Variants in GABBR2 observed in about 807,000 individuals in gnomAD.
GABBR2 encodes the protein gamma-aminobutyric acid type B receptor subunit 2.
Under a neutral mutation model 105.6 loss-of-function variants are expected in GABBR2, and 23 were observed. That is an observed-to-expected ratio of 0.22 (90% CI 0.16 to 0.31). The LOEUF is 0.31. Ranked by LOEUF, GABBR2 falls within the 10% of genes least tolerant of loss-of-function variation. GABBR2 has a pLI of 1.00. For missense variants in GABBR2, 734 were observed against 1,245.5 expected (o/e 0.59, Z 6.18); for synonymous variants, 478 against 499.7 (o/e 0.96, Z 0.58).
chr9:98,511,714 T>C (rs557088089), intron 3 of GABBR2, among the ~76,000 whole-genome samples: 95 of 151,988 alleles, frequency 6.3e-4, no homozygotes, highest in Non-Finnish European at 1.2e-3. Flanking sequence ...CAGGAAGAAA[T>C]TGAATCTCTG....
intron 7 of GABBR2, among the ~76,000 whole-genome samples, chr9:98,412,442 TG>T (rs1184827255): frequency 6.6e-6 from 1 of 152,228 alleles, no homozygotes; most frequent in Non-Finnish European, 1.5e-5. Flanking sequence ...TGACTTGTGC[TG>T]TGAGAAATAA....
At chr9:98,613,627 C>T (rs984589079) in intron 1 of GABBR2, among the ~76,000 whole-genome samples, 10 of 152,196 alleles carry the variant, frequency 6.6e-5, no homozygotes, top group African/African-American at 1.9e-4. Context: ...CAGCAGACAT[C>T]TCTTCAGTAA....
intron 7 of GABBR2, among the ~76,000 whole-genome samples, chr9:98,440,513 C>T (rs751907806): frequency 1.8e-4 from 27 of 152,092 alleles, no homozygotes; most frequent in Non-Finnish European, 3.8e-4. Flanking sequence ...CCCCCACTTC[C>T]CCCCTTCTAC....
rs758345055 is a variant in GABBR2 at position 98,290,643 on chromosome 9, C to T, written c.2767G>A (p.Ala923Thr). The T allele has an allele frequency of 2.6e-5, 38 of 1,447,654 alleles. No individual in the cohort carries two copies. Among genetic ancestry groups the T allele is most frequent in the African/African-American group, 8.9e-5 (6 of 67,216 alleles). 89.7% of individuals were successfully genotyped at this position (1,447,654 alleles called of 1,614,324 possible). The change falls in exon 19 of 19, where the codon GCC becomes ACC. Residue 923 changes from alanine to threonine, a missense_variant. Coordinates refer to ENST00000259455, the MANE Select transcript of GABBR2 (RefSeq NM_005458.8). Reference sequence around the variant, plus strand: ...GGCACATGTCTGTGGCGGGGGCTGGCGGTGGGGCTGACGCAGGGGCTGACA... The same window carrying T: ...GGCACATGTCTGTGGCGGGGGCTGGTGGTGGGGCTGACGCAGGGGCTGACA... ...SCVSPCVSPTASPRHRHVPPS... is the reference protein window; with the variant it reads ...SCVSPCVSPTTSPRHRHVPPS...
chr9:98,347,358 G>A (rs1024709543), intron 13 of GABBR2, among the ~76,000 whole-genome samples: 1 of 152,058 alleles, frequency 6.6e-6, no homozygotes, highest in African/African-American at 2.4e-5. Context: ...TCATGTATTT[G>A]TTGGCTATTT....
intron 2 of GABBR2, among the ~76,000 whole-genome samples, chr9:98,558,097 A>T (rs1018920257): frequency 6.6e-6 from 1 of 152,232 alleles, no homozygotes; most frequent in African/African-American, 2.4e-5. Flanking sequence ...TCAAGAAGAG[A>T]GGGTAGCTAT....
At chr9:98,637,462 G>A (rs370391690) in intron 1 of GABBR2, among the ~76,000 whole-genome samples, 2 of 152,138 alleles carry the variant, frequency 1.3e-5, no homozygotes, top group Non-Finnish European at 2.9e-5. Flanking sequence ...ACTTGCATGA[G>A]GTTAGATGGC....
intron 8 of GABBR2, among the ~76,000 whole-genome samples, chr9:98,404,351 C>T (rs999177787): frequency 1.3e-5 from 2 of 152,132 alleles, no homozygotes; most frequent in African/African-American, 4.8e-5. Context: ...AATTACCTGC[C>T]ACAGAAAGAC....
chr9:98,527,320 G>A (rs138040433), intron 3 of GABBR2, among the ~76,000 whole-genome samples: 14 of 151,922 alleles, frequency 9.2e-5, no homozygotes, highest in Non-Finnish European at 5.9e-5. Context: ...GAACTCAGAC[G>A]GTCATTCTGC....
intron 5 of GABBR2, among the ~76,000 whole-genome samples, chr9:98,480,311 T>G (rs1306464445): frequency 6.8e-6 from 1 of 147,922 alleles, no homozygotes; most frequent in East Asian, 2.0e-4. Context: ...GGAGAAAACC[T>G]TTTTTTTTTA....
intron 6 of GABBR2, among the ~76,000 whole-genome samples, chr9:98,460,222 A>G (rs1020882608): frequency 6.6e-6 from 1 of 152,152 alleles, no homozygotes; most frequent in Non-Finnish European, 1.5e-5. Context: ...CCTGGCCAAC[A>G]TGGGAAAAAA....
At chr9:98,437,809 C>A (rs897434929) in intron 7 of GABBR2, among the ~76,000 whole-genome samples, 1 of 151,680 alleles carries the variant, frequency 6.6e-6, no homozygotes, top group African/African-American at 2.4e-5. Flanking sequence ...CCTACCCACA[C>A]GTCCATCCAT....
At chr9:98,322,645 C>G (rs576581009) in intron 13 of GABBR2, among the ~76,000 whole-genome samples, 1 of 150,744 alleles carries the variant, frequency 6.6e-6, no homozygotes, top group African/African-American at 2.4e-5. Context: ...ATCCCCCAGT[C>G]TCAGCCATGA....
intron 6 of GABBR2, among the ~76,000 whole-genome samples, chr9:98,456,583 A>G (rs907767132): frequency 2.0e-5 from 3 of 152,254 alleles, no homozygotes; most frequent in African/African-American, 7.2e-5. Context: ...CTCAAACAAT[A>G]CCTGCTTAGG....
chr9:98,594,949 A>C (rs181297193), intron 1 of GABBR2, among the ~76,000 whole-genome samples: 1 of 152,214 alleles, frequency 6.6e-6, no homozygotes, highest in Non-Finnish European at 1.5e-5. Flanking sequence ...GCACTTGGCA[A>C]ACAGGAGGAA....
intron 7 of GABBR2, among the ~76,000 whole-genome samples, chr9:98,442,448 G>A (rs1167196522): frequency 6.6e-6 from 1 of 152,244 alleles, no homozygotes; most frequent in Non-Finnish European, 1.5e-5. Flanking sequence ...TCGAAAGTTA[G>A]ATGGCTTATG....
chr9:98,691,415 C>T (rs1830680529), intron 1 of GABBR2, among the ~76,000 whole-genome samples: 1 of 152,180 alleles, frequency 6.6e-6, no homozygotes, highest in South Asian at 2.1e-4. Context: ...CCTAATCCAC[C>T]TTTCTTGCCC....
At chr9:98,513,566 A>G (rs1473455631) in intron 3 of GABBR2, among the ~76,000 whole-genome samples, 1 of 152,030 alleles carries the variant, frequency 6.6e-6, no homozygotes, top group Non-Finnish European at 1.5e-5. Flanking sequence ...ACAAAAAAAA[A>G]ACAAACAACC....
At chr9:98,316,093 T>C (rs1034916326) in intron 13 of GABBR2, among the ~76,000 whole-genome samples, 1 of 152,150 alleles carries the variant, frequency 6.6e-6, no homozygotes, top group Admixed American at 6.5e-5. Flanking sequence ...AGGACAGCAT[T>C]TGCATTGCCC....
Sources: gnomAD v4.1 joint callset for allele counts (sites outside exome capture counted in the v4.1 genomes callset) on GRCh38, gnomAD v4.1.1 for gene constraint, MANE v1.5 for transcripts, NCBI Gene and HGNC (gene_info 2026-07-23, HGNC 2026-07-21) for gene names.